The following DPYD variants were observed in gnomAD, a reference collection of about 807,000 sequenced individuals.
DPYD encodes the protein dihydropyrimidine dehydrogenase [NADP(+)].
A neutral mutation model predicts 116.2 loss-of-function variants in DPYD; 109 were observed. The observed-to-expected ratio is 0.94, with a 90% CI of 0.80 to 1.10. DPYD has a LOEUF of 1.10. Ranked by LOEUF, DPYD falls within the 50% of genes least tolerant of loss-of-function variation. The pLI is 0.00. For synonymous variants in DPYD, 440 were observed against 432.0 expected (o/e 1.02, Z -0.23); for missense variants, 1,302 against 1,254.5 (o/e 1.04, Z -0.57).
intron 13 of DPYD, among the ~76,000 whole-genome samples, chr1:97,478,522 G>A (rs957499583): frequency 2.6e-5 from 4 of 152,018 alleles, no homozygotes; most frequent in Non-Finnish European, 5.9e-5. Context: ...TCTTGACCTC[G>A]TGATGCACCT....
intron 19 of DPYD, among the ~76,000 whole-genome samples, chr1:97,211,609 T>C (rs975571133): frequency 7.2e-5 from 11 of 152,180 alleles, no homozygotes; most frequent in African/African-American, 2.7e-4. Context: ...TTAAATAATA[T>C]ACAGTTTTAA....
intron 19 of DPYD, among the ~76,000 whole-genome samples, chr1:97,195,654 A>G (rs1218420208): frequency 0.024 from 483 of 20,358 alleles, 31 homozygotes; most frequent in Middle Eastern, 0.036. Flanking sequence ...ATATATATAT[A>G]TATATATATA....
intron 14 of DPYD, among the ~76,000 whole-genome samples, chr1:97,448,283 T>C (rs980345572): frequency 6.6e-6 from 1 of 152,182 alleles, no homozygotes; most frequent in South Asian, 2.1e-4. Context: ...AACAGAAGCA[T>C]GGATGGTAAA....
At chr1:97,617,280 A>G (rs545926891) in intron 8 of DPYD, among the ~76,000 whole-genome samples, 4 of 152,308 alleles carry the variant, frequency 2.6e-5, no homozygotes, top group East Asian at 3.9e-4. Flanking sequence ...TAAAATGTCT[A>G]TACAAAAACA....
At chr1:97,796,403 T>C (rs184955505) in intron 3 of DPYD, among the ~76,000 whole-genome samples, 1 of 152,244 alleles carries the variant, frequency 6.6e-6, no homozygotes, top group Non-Finnish European at 1.5e-5. Flanking sequence ...CTGGAATCTC[T>C]GAGTCTACAT....
chr1:97,123,356 T>A (rs1369896258), intron 20 of DPYD, among the ~76,000 whole-genome samples: 3 of 152,130 alleles, frequency 2.0e-5, no homozygotes, highest in Non-Finnish European at 2.9e-5. Flanking sequence ...TTTAACTAGT[T>A]CATTGAGACT....
intron 16 of DPYD, among the ~76,000 whole-genome samples, chr1:97,338,479 C>A (rs146304750): frequency 6.6e-6 from 1 of 152,218 alleles, no homozygotes; most frequent in African/African-American, 2.4e-5. Context: ...ACTGCCCAGC[C>A]ACATATGCCG....
chr1:97,360,320 A>C (rs1249983744), intron 16 of DPYD, among the ~76,000 whole-genome samples: 1 of 152,172 alleles, frequency 6.6e-6, no homozygotes, highest in Non-Finnish European at 1.5e-5. Context: ...ACCTACAAAG[A>C]AACTTAGACT....
intron 14 of DPYD, among the ~76,000 whole-genome samples, chr1:97,414,327 A>G (rs1674172310): frequency 6.6e-6 from 1 of 152,228 alleles, no homozygotes; most frequent in South Asian, 2.1e-4. Context: ...GACTCACTGT[A>G]TCAAAATACT....
intron 6 of DPYD, 138 bp from the exon 7 acceptor site, chr1:97,691,936 A>G (rs1421729064): frequency 1.3e-5 from 9 of 704,564 alleles, no homozygotes; most frequent in Admixed American, 6.3e-5. Flanking sequence ...ATATCACACA[A>G]GATATGCATG....
intron 8 of DPYD, among the ~76,000 whole-genome samples, chr1:97,617,680 C>A (rs1656374986): frequency 6.6e-6 from 1 of 152,034 alleles, no homozygotes; most frequent in African/African-American, 2.4e-5. Flanking sequence ...CTGACAGGCA[C>A]TAGGTGGAGT....
At chr1:97,851,077 C>T (rs531868577) in intron 2 of DPYD, among the ~76,000 whole-genome samples, 1 of 151,974 alleles carries the variant, frequency 6.6e-6, no homozygotes, top group East Asian at 1.9e-4. Flanking sequence ...AATATTTTGT[C>T]ATTTCACAAA....
chr1:97,410,097 A>G lies in DPYD; in HGVS notation c.1906-27636T>C, dbSNP rs541121866. Among the ~76,000 whole-genome samples, 444 of 151,792 alleles carry G rather than the reference A, an allele frequency of 2.9e-3. 3 individuals are homozygous for G. The highest frequency in any genetic ancestry group is 5.3e-3 in the Non-Finnish European group (358 of 67,914). ...GAAAAAGAAAGAAGAAGAAGAAGAA[A>G]AAAAAAAACTACAAACGACCTCCTC... On this transcript the variant is annotated intron_variant, in intron 14 of 22. Transcript: ENST00000370192.
At chr1:97,457,218 T>C (rs10875090) in intron 13 of DPYD, among the ~76,000 whole-genome samples, 57,476 of 151,966 alleles carry the variant, frequency 0.38, 11,380 homozygotes, top group East Asian at 0.65. Flanking sequence ...CTGACCAGAC[T>C]GAATGTCTGC....
chr1:97,320,175 G>T lies in DPYD; in HGVS notation c.2059-13878C>A, dbSNP rs1207341681. Among the ~76,000 whole-genome samples the T allele has an allele frequency of 2.4e-5, 3 of 126,438 alleles. No homozygotes were observed. In the Admixed American group the frequency reaches 2.5e-4, roughly 10 times the overall value. The allele number at this position is 126,438 out of a possible 152,430, so 82.9% of individuals were successfully genotyped here. ...GCATTCCCTTTGAAAACTGGCACAA[G>T]ACAGGGATGCCCTCTCTCACCGCTC... On this transcript the variant is annotated intron_variant, in intron 16 of 22. Transcript: ENST00000370192.
intron 21 of DPYD, among the ~76,000 whole-genome samples, chr1:97,087,657 T>C (rs1178001444): frequency 9.9e-5 from 15 of 152,212 alleles, no homozygotes; most frequent in Non-Finnish European, 4.4e-5. Flanking sequence ...GTATTTTTTC[T>C]ATCTGGGATG....
chr1:97,726,816 T>A (rs1266505286), intron 4 of DPYD, among the ~76,000 whole-genome samples: 2 of 151,376 alleles, frequency 1.3e-5, no homozygotes, highest in Non-Finnish European at 3.0e-5. Context: ...AGATTGCACA[T>A]AAAATGATAT....
chr1:97,887,441 G>T (rs1460295906), intron 1 of DPYD, among the ~76,000 whole-genome samples: 1 of 119,544 alleles, frequency 8.4e-6, no homozygotes, highest in Admixed American at 1.0e-4. Flanking sequence ...CTTTACTCCA[G>T]CCTGGGTGAC....
At chr1:97,355,839 TA>T (rs1401237304) in intron 16 of DPYD, among the ~76,000 whole-genome samples, 1 of 152,148 alleles carries the variant, frequency 6.6e-6, no homozygotes, top group Non-Finnish European at 1.5e-5. Flanking sequence ...GATAGACACT[TA>T]GGTTGATTCC....
Sources: gnomAD v4.1 joint callset for allele counts (sites outside exome capture counted in the v4.1 genomes callset) on GRCh38, gnomAD v4.1.1 for gene constraint, MANE v1.5 for transcripts, NCBI Gene and HGNC (gene_info 2026-07-23, HGNC 2026-07-21) for gene names.